Variants in ITGBL1 observed in about 807,000 individuals in gnomAD.
ITGBL1 encodes the protein integrin subunit beta like 1, also known as integrin beta-like protein 1.
ITGBL1 carries 51 observed loss-of-function variants against 68.5 expected under a neutral mutation model. The observed-to-expected ratio is 0.74, with a 90% CI of 0.59 to 0.94. ITGBL1 has a LOEUF of 0.94. Among genes scored for constraint, ITGBL1 ranks in the 40% least tolerant of loss-of-function variants. The pLI is 0.00. For synonymous variants in ITGBL1, 209 were observed against 227.3 expected, an observed-to-expected ratio of 0.92 and a Z score of 0.72; for missense variants, 649 against 647.4, an observed-to-expected ratio of 1.00 and a Z score of -0.03.
intron 2 of ITGBL1, among the ~76,000 whole-genome samples, chr13:101,477,258 G>A (rs992638867): frequency 7.9e-5 from 12 of 151,998 alleles, no homozygotes; most frequent in African/African-American, 2.2e-4. Context: ...GGTCAATGAA[G>A]TAATTAAGAA....
chr13:101,665,866 C>CTT (rs1328216754), intron 7 of ITGBL1, among the ~76,000 whole-genome samples: 1 of 152,190 alleles, frequency 6.6e-6, no homozygotes, highest in Non-Finnish European at 1.5e-5. Flanking sequence ...CCACCACAGT[C>CTT]TTACACACAC....
At chr13:101,519,650 C>G (rs1428546324) in intron 2 of ITGBL1, among the ~76,000 whole-genome samples, 1 of 152,066 alleles carries the variant, frequency 6.6e-6, no homozygotes, top group Non-Finnish European at 1.5e-5. Context: ...TTCTTAAATG[C>G]AAACAGTAAA....
At chr13:101,622,774 C>A (rs2031632290) in intron 7 of ITGBL1, among the ~76,000 whole-genome samples, 1 of 151,996 alleles carries the variant, frequency 6.6e-6, no homozygotes, top group Non-Finnish European at 1.5e-5. Flanking sequence ...AGTTAGAGAT[C>A]CATGAATAGA....
chr13:101,714,270 G>T, intron 9 of ITGBL1, 168 bp from the exon 10 acceptor site: 1 of 607,500 alleles, frequency 1.6e-6, no homozygotes, highest in African/African-American at 1.9e-5. Flanking sequence ...TGACCTTTAT[G>T]AATTACAGTA....
At position 101,561,918 on chromosome 13, in the gene ITGBL1, G is replaced by A. The variant is rs117477919; in HGVS notation, c.317-5781G>A. Among the ~76,000 whole-genome samples, 1,522 of 152,242 alleles carry A rather than the reference G, an allele frequency of 1.0e-2. 21 individuals carry two copies. The highest frequency in any genetic ancestry group is 0.014 in the Non-Finnish European group (944 of 68,000). Reference sequence around the variant, plus strand: ...CAATGAAAATGGAATAAATTAAAGTGTAATAGCATTATAGTTTTATTTTTA... The same window carrying A: ...CAATGAAAATGGAATAAATTAAAGTATAATAGCATTATAGTTTTATTTTTA... On this transcript the variant is annotated intron_variant, in intron 2 of 10. Transcript: ENST00000376180.
At chr13:101,508,920 C>T (rs2049069422) in intron 2 of ITGBL1, among the ~76,000 whole-genome samples, 1 of 152,006 alleles carries the variant, frequency 6.6e-6, no homozygotes, top group African/African-American at 2.4e-5. Context: ...AAACTGGCTC[C>T]CGTTAGTAAA....
intron 2 of ITGBL1, among the ~76,000 whole-genome samples, chr13:101,509,532 C>G (rs533959623): frequency 6.6e-6 from 1 of 151,996 alleles, no homozygotes; most frequent in African/African-American, 2.4e-5. Context: ...CCATTGGACC[C>G]GGTTTACTTA....
chr13:101,606,256 T>C (rs2030852696), intron 7 of ITGBL1, among the ~76,000 whole-genome samples: 1 of 150,184 alleles, frequency 6.7e-6, no homozygotes, highest in Non-Finnish European at 1.5e-5. Context: ...ATTTCTTATT[T>C]CTGCTGGTGG....
intron 7 of ITGBL1, among the ~76,000 whole-genome samples, chr13:101,690,164 T>C (rs1329356171): frequency 6.6e-6 from 1 of 152,204 alleles, no homozygotes; most frequent in Admixed American, 6.5e-5. Context: ...GATATGTGAA[T>C]TGTTATTTAT....
chr13:101,591,490 T>G (rs1247193562), intron 6 of ITGBL1, among the ~76,000 whole-genome samples: 3 of 152,236 alleles, frequency 2.0e-5, no homozygotes, highest in Non-Finnish European at 2.9e-5. Context: ...AATGAGAGAT[T>G]TAAATTCAGT....
At chr13:101,563,627 A>G (rs1463812296) in intron 2 of ITGBL1, among the ~76,000 whole-genome samples, 1 of 151,860 alleles carries the variant, frequency 6.6e-6, no homozygotes, top group Non-Finnish European at 1.5e-5. Context: ...AATAGCCAAT[A>G]TTGGTCAAGC....
chr13:101,715,341 G>T, intron 10 of ITGBL1: 1 of 514,578 alleles, frequency 1.9e-6, no homozygotes, highest in Non-Finnish European at 3.5e-6. Context: ...GTGACTATCT[G>T]ATCGGTAAAG....
chr13:101,565,057 G>T (rs1039487673), intron 2 of ITGBL1, among the ~76,000 whole-genome samples: 30 of 152,028 alleles, frequency 2.0e-4, no homozygotes, highest in African/African-American at 6.8e-4. Flanking sequence ...TAACCAACCC[G>T]ATTTCAGGTT....
chr13:101,604,417 T>C (rs2030569236), intron 7 of ITGBL1, among the ~76,000 whole-genome samples: 1 of 151,906 alleles, frequency 6.6e-6, no homozygotes, highest in Non-Finnish European at 1.5e-5. Flanking sequence ...ATTTTTAAAA[T>C]TGTTTATAAT....
At chr13:101,592,682 A>T (rs775972208) in intron 6 of ITGBL1, among the ~76,000 whole-genome samples, 1 of 152,146 alleles carries the variant, frequency 6.6e-6, no homozygotes, top group Non-Finnish European at 1.5e-5. Context: ...TGGAAAAAAG[A>T]TAATATTTTC....
At chr13:101,676,309 C>CT (rs1217867762) in intron 7 of ITGBL1, among the ~76,000 whole-genome samples, 1 of 151,656 alleles carries the variant, frequency 6.6e-6, no homozygotes. Context: ...GGACAGTTTA[C>CT]TTTTTTTCTG....
At chr13:101,710,265 G>A (rs940588380) in intron 9 of ITGBL1, among the ~76,000 whole-genome samples, 3 of 152,162 alleles carry the variant, frequency 2.0e-5, no homozygotes, top group Admixed American at 6.5e-5. Flanking sequence ...TTAGTGGACC[G>A]GCCTCCGGAC....
chr13:101,621,159 C>A (rs766900732), intron 7 of ITGBL1, among the ~76,000 whole-genome samples: 5 of 152,156 alleles, frequency 3.3e-5, no homozygotes, highest in Non-Finnish European at 5.9e-5. Context: ...ATATCATACA[C>A]GTTCTTCTGA....
At chr13:101,515,006 A>T (rs1020526819) in intron 2 of ITGBL1, among the ~76,000 whole-genome samples, 2 of 152,132 alleles carry the variant, frequency 1.3e-5, no homozygotes, top group Non-Finnish European at 2.9e-5. Context: ...GGAATTTATG[A>T]TATAGTTCTC....
Sources: allele counts gnomAD v4.1 joint callset (sites outside exome capture counted in the v4.1 genomes callset), GRCh38; gene constraint gnomAD v4.1.1; transcripts MANE v1.5; gene names NCBI Gene and HGNC (gene_info 2026-07-23, HGNC 2026-07-21).